The following CILK1 variants were observed in gnomAD, a reference collection of about 807,000 sequenced individuals.
CILK1 encodes ciliogenesis associated kinase 1, also known as serine/threonine-protein kinase ICK.
CILK1 carries 47 observed loss-of-function variants against 79.2 expected under a neutral mutation model. The observed-to-expected ratio is 0.59, with a 90% CI of 0.47 to 0.76. The LOEUF is 0.76. Among genes scored for constraint, CILK1 ranks in the 30% least tolerant of loss-of-function variants. The pLI, the probability that CILK1 is intolerant of heterozygous loss-of-function variation, is 0.00. For missense variants in CILK1, 660 were observed against 769.5 expected, an observed-to-expected ratio of 0.86 and a Z score of 1.68; for synonymous variants, 266 against 275.9, an observed-to-expected ratio of 0.96 and a Z score of 0.36.
At position 53,006,112 on chromosome 6, in the gene CILK1, T is replaced by C. The variant is rs536486478; in HGVS notation, c.1744+203A>G. On this transcript the variant is annotated intron_variant, in intron 13 of 13. Coordinates refer to ENST00000676107, the MANE Select transcript of CILK1 (RefSeq NM_014920.5). ...ACCCCCACAATCCCTACCTCCTGTC[T>C]GCTGTATTTTTCTCCTTAGCACTAA... Among the ~76,000 whole-genome samples the C allele has an allele frequency of 5.3e-5, 8 of 152,346 alleles. No individual in the cohort carries two copies. In the South Asian group the frequency reaches 1.7e-3, roughly 32 times the overall value.
At chr6:53,053,124 A>G (rs1361487555) in intron 1 of CILK1, among the ~76,000 whole-genome samples, 2 of 151,762 alleles carry the variant, frequency 1.3e-5, no homozygotes, top group African/African-American at 4.8e-5. Context: ...AGAAGAGAAG[A>G]GCAATTTCTT....
intron 3 of CILK1, among the ~76,000 whole-genome samples, chr6:53,034,558 T>C (rs1766183695): frequency 6.6e-6 from 1 of 152,160 alleles, no homozygotes; most frequent in Non-Finnish European, 1.5e-5. Flanking sequence ...TTTATCCTCA[T>C]GGATGAAGCT....
intron 3 of CILK1, among the ~76,000 whole-genome samples, chr6:53,035,606 A>G (rs1766279039): frequency 6.6e-6 from 1 of 152,144 alleles, no homozygotes; most frequent in South Asian, 2.1e-4. Flanking sequence ...TGAAGTCCAC[A>G]GGGTCTTCAT....
At chr6:53,043,935 T>G (rs921867280) in intron 1 of CILK1, among the ~76,000 whole-genome samples, 3 of 151,082 alleles carry the variant, frequency 2.0e-5, no homozygotes, top group Non-Finnish European at 3.0e-5. Flanking sequence ...AAGAGAAAAG[T>G]AGGTGTTTTG....
At chr6:53,028,920 C>G (rs930709922) in intron 5 of CILK1, among the ~76,000 whole-genome samples, 6 of 151,066 alleles carry the variant, frequency 4.0e-5, no homozygotes, top group African/African-American at 9.7e-5. Context: ...CTGCATGTGT[C>G]TTGGGGTGCT....
chr6:53,019,485 T>TA (rs1765088305), intron 5 of CILK1, 126 bp from the exon 6 acceptor site: 2 of 943,576 alleles, frequency 2.1e-6, no homozygotes, highest in Admixed American at 2.1e-5. Context: ...CCAAAGGCTT[T>TA]ATGCATTCAT....
intron 12 of CILK1, among the ~76,000 whole-genome samples, chr6:53,008,034 CAT>C (rs1207176055): frequency 1.3e-5 from 2 of 151,682 alleles, no homozygotes; most frequent in Non-Finnish European, 2.9e-5. Context: ...AATCCTCACA[CAT>C]GTGCATAACA....
chr6:53,053,463 A>G (rs1485743867), intron 1 of CILK1, among the ~76,000 whole-genome samples: 1 of 152,220 alleles, frequency 6.6e-6, no homozygotes, highest in Non-Finnish European at 1.5e-5. Context: ...TTATGCATAT[A>G]TTAGTACATT....
chr6:53,042,463 A>T (rs1382931955), intron 1 of CILK1, among the ~76,000 whole-genome samples: 2 of 152,258 alleles, frequency 1.3e-5, no homozygotes, highest in African/African-American at 4.8e-5. Flanking sequence ...CTGATGCAGA[A>T]CTTAAGTGTG....
At chr6:53,025,561 G>C (rs1001750836) in intron 5 of CILK1, among the ~76,000 whole-genome samples, 1 of 152,180 alleles carries the variant, frequency 6.6e-6, no homozygotes, top group East Asian at 1.9e-4. Flanking sequence ...AATGAAATGA[G>C]GGGAAGGAAG....
intron 1 of CILK1, among the ~76,000 whole-genome samples, chr6:53,051,475 C>G (rs989551760): frequency 6.6e-6 from 1 of 152,204 alleles, no homozygotes; most frequent in African/African-American, 2.4e-5. Context: ...CATTCTTTGT[C>G]TCTTCCAGCT....
At chr6:53,039,134 C>T (rs906977079) in intron 2 of CILK1, among the ~76,000 whole-genome samples, 1 of 152,200 alleles carries the variant, frequency 6.6e-6, no homozygotes, top group Non-Finnish European at 1.5e-5. Context: ...TATTATTTAG[C>T]CCCTGCTATG....
rs148546607 is a variant in CILK1, at chr6:53,005,504, C to T, written c.1745-201G>A. Among the ~76,000 whole-genome samples, 1,246 of 152,222 alleles carry T rather than the reference C, an allele frequency of 8.2e-3. 14 individuals carry two copies. Among genetic ancestry groups the T allele is most frequent in the Non-Finnish European group, 0.015 (1,002 of 68,012 alleles). ...CCAAAAATAATGGCATCATTCTTGA[C>T]CCCTCTTTTTTTCATATACCACATA... On this transcript the variant is annotated intron_variant, in intron 13 of 13. Transcript: ENST00000676107.
intron 11 of CILK1, 64 bp from the exon 12 acceptor site, chr6:53,009,631 G>A: frequency 7.2e-7 from 1 of 1,388,402 alleles, no homozygotes; most frequent in Non-Finnish European, 1.0e-6. Flanking sequence ...AGACTACAAA[G>A]ATAAAATTAA....
chr6:53,024,944 T>C (rs1467800146), intron 5 of CILK1, among the ~76,000 whole-genome samples: 2 of 151,400 alleles, frequency 1.3e-5, no homozygotes, highest in Admixed American at 6.6e-5. Context: ...GCAATTCTCA[T>C]GCCTCAGGCT....
intron 12 of CILK1, among the ~76,000 whole-genome samples, chr6:53,008,694 A>G (rs929952871): frequency 3.9e-5 from 6 of 152,032 alleles, no homozygotes; most frequent in African/African-American, 1.2e-4. Flanking sequence ...AGCCTCCCAA[A>G]GTGCTGGGAT....
At chr6:53,017,403 C>T (rs1000732493) in intron 7 of CILK1, among the ~76,000 whole-genome samples, 8 of 152,220 alleles carry the variant, frequency 5.3e-5, no homozygotes, top group African/African-American at 9.6e-5. Context: ...GGATTACTGA[C>T]GGCCATGTGA....
At chr6:53,045,577 T>C (rs1175068871) in intron 1 of CILK1, among the ~76,000 whole-genome samples, 1 of 152,222 alleles carries the variant, frequency 6.6e-6, no homozygotes, top group Non-Finnish European at 1.5e-5. Flanking sequence ...GTAAGTGTTC[T>C]GAACATGTTT....
rs1175175096 is a variant in CILK1 at position 53,002,308 on chromosome 6, A to G, written c.*2841T>C. ...CACTGAATTTCTGTCTCATTTCGGC[A>G]CGAAATGAGAACCAACCCTGTATCA... On this transcript the variant is annotated 3_prime_UTR_variant, in exon 14 of 14. Coordinates refer to ENST00000676107, the MANE Select transcript of CILK1 (RefSeq NM_014920.5). 1.3e-5 allele frequency: 2 copies of G among 152,238 alleles called. No homozygotes were observed. The highest frequency in any genetic ancestry group is 2.9e-5 in the Non-Finnish European group (2 of 68,044). The allele number at this position is 152,238 out of a possible 1,614,324, so 9.4% of individuals were successfully genotyped here. A position where few individuals can be genotyped will look rare whatever the true frequency, so the allele number is the denominator to read the frequency against.
Sources: allele counts gnomAD v4.1 joint callset (sites outside exome capture counted in the v4.1 genomes callset), GRCh38; gene constraint gnomAD v4.1.1; transcripts MANE v1.5; gene names NCBI Gene and HGNC (gene_info 2026-07-23, HGNC 2026-07-21).